TFB1M: variants seen among roughly 807,000 people sequenced by gnomAD.
TFB1M encodes dimethyladenosine transferase 1, mitochondrial.
A neutral mutation model predicts 31.1 loss-of-function variants in TFB1M; 27 were observed. That is an observed-to-expected ratio of 0.87 (90% CI 0.64 to 1.20). TFB1M has a LOEUF of 1.20. Ranked by LOEUF, TFB1M falls within the 50% of genes most tolerant of loss-of-function variation. The pLI, the probability that TFB1M is intolerant of heterozygous loss-of-function variation, is 0.00. For missense variants in TFB1M, 394 were observed against 418.7 expected (o/e 0.94, Z 0.51); for synonymous variants, 166 against 151.8 (o/e 1.09, Z -0.69).
At chr6:155,311,156 G>A in intron 2 of TFB1M, 32 bp downstream of exon 2, 1 of 1,612,860 alleles carries the variant, frequency 6.2e-7, no homozygotes, top group Non-Finnish European at 8.5e-7. Flanking sequence ...TTCAGCTTTT[G>A]CCTCCTAAAG....
At position 155,310,244 on chromosome 6, in the gene TFB1M, C is replaced by G. The variant is rs17086140; in HGVS notation, c.285+944G>C. Among the ~76,000 whole-genome samples, 310 of 152,172 alleles carry G rather than the reference C, an allele frequency of 2.0e-3. 2 individuals are homozygous for G. Among genetic ancestry groups the G allele is most frequent in the African/African-American group, 7.1e-3 (294 of 41,526 alleles). ...TCTATTATAGTCACATGATAAATTGCTTCTCATCTGAGCCAAAGGTTCAGG... is the reference window on the plus strand; with the variant it reads ...TCTATTATAGTCACATGATAAATTGGTTCTCATCTGAGCCAAAGGTTCAGG... On this transcript the variant is annotated intron_variant, in intron 2 of 6. Transcript: ENST00000367166.
chr6:155,254,444 G>C, downstream of TFB1M: 1 of 1,613,760 alleles, frequency 6.2e-7, no homozygotes, highest in Non-Finnish European at 8.5e-7. Flanking sequence ...AACCAACATT[G>C]TTAAGGTGAT....
At chr6:155,235,283 T>C in the TFB1M span, among the ~76,000 whole-genome samples, 1 of 152,326 alleles carries the variant, frequency 6.6e-6, no homozygotes, top group South Asian at 2.1e-4. Flanking sequence ...CTTGATGGAA[T>C]AGGCATTCCT....
intron 5 of TFB1M, among the ~76,000 whole-genome samples, chr6:155,283,586 A>T (rs1776483910): frequency 6.6e-6 from 1 of 152,228 alleles, no homozygotes; most frequent in South Asian, 2.1e-4. Context: ...ATAACTTCGA[A>T]ACTCCATCAA....
intron 5 of TFB1M, among the ~76,000 whole-genome samples, chr6:155,284,439 C>T (rs893348233): frequency 1.3e-5 from 2 of 152,136 alleles, no homozygotes; most frequent in African/African-American, 4.8e-5. Flanking sequence ...GACTCTGTAT[C>T]GGATTAGGCT....
At chr6:155,243,446 C>T in the TFB1M span, among the ~76,000 whole-genome samples, 1 of 152,150 alleles carries the variant, frequency 6.6e-6, no homozygotes, top group Non-Finnish European at 1.5e-5. Context: ...CTTACCTAAG[C>T]AGAGGGAATG....
intron 5 of TFB1M, among the ~76,000 whole-genome samples, chr6:155,273,241 C>T (rs1785023131): frequency 6.6e-6 from 1 of 152,178 alleles, no homozygotes; most frequent in African/African-American, 2.4e-5. Flanking sequence ...TGTATGATAG[C>T]AGGTGAATCC....
In TFB1M at chr6:155,257,042, G is replaced by C; in HGVS notation, c.*794C>G. On this transcript the variant is annotated 3_prime_UTR_variant, in exon 7 of 7. Coordinates refer to ENST00000367166, the MANE Select transcript of TFB1M (RefSeq NM_016020.4). ...ATCGACCTAAATTCTGTTCTAGAGCGAGAATTCAGTGTCCAGAGTTTAACA... is the reference window on the plus strand; with the variant it reads ...ATCGACCTAAATTCTGTTCTAGAGCCAGAATTCAGTGTCCAGAGTTTAACA... 6.2e-7 allele frequency: 1 copy of C among 1,614,162 alleles called. No homozygotes were observed.
At chr6:155,307,582 A>G (rs1169524385) in intron 2 of TFB1M, among the ~76,000 whole-genome samples, 1 of 152,188 alleles carries the variant, frequency 6.6e-6, no homozygotes, top group African/African-American at 2.4e-5. Flanking sequence ...TACGGGAGCT[A>G]CAAGAGGAGA....
At chr6:155,267,674 A>G (rs989891791) in intron 5 of TFB1M, among the ~76,000 whole-genome samples, 3 of 152,152 alleles carry the variant, frequency 2.0e-5, no homozygotes, top group African/African-American at 7.2e-5. Context: ...TAGAAAGTGT[A>G]AATTTTGGAG....
the TFB1M span, chr6:155,251,093 C>A: frequency 7.6e-7 from 1 of 1,309,622 alleles, no homozygotes. Flanking sequence ...CTAGCCGCAC[C>A]AGTCCAGCTC....
chr6:155,235,411 C>T, the TFB1M span, among the ~76,000 whole-genome samples: 1 of 152,192 alleles, frequency 6.6e-6, no homozygotes, highest in South Asian at 2.1e-4. Flanking sequence ...CTCATCTGTG[C>T]TTTTCAGGCC....
chr6:155,290,388 C>CAAAAAAAAAAAAA (rs1189869721), intron 4 of TFB1M, among the ~76,000 whole-genome samples: 82 of 107,518 alleles, frequency 7.6e-4, no homozygotes, highest in Non-Finnish European at 1.3e-3. Flanking sequence ...GACTCGGCCT[C>CAAAAAAAAAAAAA]AAAAAAAAAA....
At chr6:155,249,993 G>A in the TFB1M span, 5 of 1,580,452 alleles carry the variant, frequency 3.2e-6, no homozygotes, top group South Asian at 5.6e-5. Context: ...CTGCACCCTG[G>A]GAGCCTAGTG....
intron 2 of TFB1M, among the ~76,000 whole-genome samples, chr6:155,309,225 A>C (rs1777914258): frequency 6.6e-6 from 1 of 152,240 alleles, no homozygotes; most frequent in Non-Finnish European, 1.5e-5. Context: ...ATATACACAG[A>C]TGCAGAAATA....
chr6:155,280,934 C>T (rs1288286192), intron 5 of TFB1M, among the ~76,000 whole-genome samples: 1 of 152,168 alleles, frequency 6.6e-6, no homozygotes, highest in Non-Finnish European at 1.5e-5. Flanking sequence ...ATGGATATAT[C>T]ATTAATTCAT....
At chr6:155,313,407 A>G (rs150231983) in intron 1 of TFB1M, among the ~76,000 whole-genome samples, 1 of 152,242 alleles carries the variant, frequency 6.6e-6, no homozygotes, top group African/African-American at 2.4e-5. Context: ...TTTGGGTGTG[A>G]TTTACTGCTC....
At chr6:155,302,736 T>C (rs569135065) in intron 2 of TFB1M, among the ~76,000 whole-genome samples, 44 of 152,324 alleles carry the variant, frequency 2.9e-4, no homozygotes, top group Admixed American at 5.9e-4. Context: ...AATCTTTCAC[T>C]CTCTTTTTTA....
At chr6:155,291,704 CCA>C (rs1776933359) in intron 4 of TFB1M, among the ~76,000 whole-genome samples, 1 of 152,174 alleles carries the variant, frequency 6.6e-6, no homozygotes, top group African/African-American at 2.4e-5. Context: ...AACCTTCTAT[CCA>C]CTAGAGACCA....
Sources: gnomAD v4.1 joint callset for allele counts (sites outside exome capture counted in the v4.1 genomes callset) on GRCh38, gnomAD v4.1.1 for gene constraint, MANE v1.5 for transcripts, NCBI Gene and HGNC (gene_info 2026-07-23, HGNC 2026-07-21) for gene names.